Variants in TTLL3 observed in about 807,000 individuals in gnomAD.
TTLL3 encodes the protein tubulin monoglycylase TTLL3.
Under a neutral mutation model 75.2 loss-of-function variants are expected in TTLL3, and 63 were observed. The ratio of observed to expected loss-of-function variants is 0.84; its 90% CI spans 0.68 to 1.03. The LOEUF (loss-of-function observed/expected upper bound fraction) is 1.03, where lower values mean the gene tolerates loss of function less well. TTLL3 is among the 50% of genes least tolerant of loss of function. TTLL3 has a pLI of 0.00. For missense variants in TTLL3, 997 were observed against 1,069.9 expected (o/e 0.93, Z 0.95); for synonymous variants, 393 against 418.5 (o/e 0.94, Z 0.74).
intron 12 of TTLL3, chr3:9,834,279 T>C: frequency 2.3e-6 from 1 of 435,674 alleles, no homozygotes; most frequent in Non-Finnish European, 4.6e-6. Context: ...ACTGCAGTAT[T>C]CTGCCTTTGC....
chr3:9,821,287 C>T (rs1474748964), intron 8 of TTLL3, among the ~76,000 whole-genome samples: 1 of 152,204 alleles, frequency 6.6e-6, no homozygotes, highest in Non-Finnish European at 1.5e-5. Flanking sequence ...GAGCCTGGTG[C>T]TGCTTTAGGG....
Position 9,810,571 on chromosome 3 carries a change from C to G in TTLL3, c.-41-50C>G. 2 of 1,539,404 alleles carry G rather than the reference C, an allele frequency of 1.3e-6. No individual in the cohort carries two copies. Among genetic ancestry groups the G allele is most frequent in the Non-Finnish European group, 1.8e-6 (2 of 1,141,078 alleles). On this transcript the variant is annotated intron_variant, in intron 1 of 13. Coordinates refer to ENST00000685419, the MANE Select transcript of TTLL3 (RefSeq NM_001387446.1). The surrounding 1 kb of genome is among the most constrained non-coding windows in gnomAD (Gnocchi z 4.4). Reference sequence around the variant, plus strand: ...GCCAGAAAAGATCCTAGGCCGAGACCCTAGGCCCAGCCTCAGTGTACCCCG... The same window carrying G: ...GCCAGAAAAGATCCTAGGCCGAGACGCTAGGCCCAGCCTCAGTGTACCCCG...
At chr3:9,812,839 T>C (rs570720777) in intron 2 of TTLL3, 104 bp from the exon 3 acceptor site, 149 of 1,313,916 alleles carry the variant, frequency 1.1e-4, no homozygotes, top group Non-Finnish European at 1.5e-4. Context: ...AATATAAAAA[T>C]TTCCTGATGG....
At chr3:9,827,516 C>T in intron 10 of TTLL3, 2 of 429,622 alleles carry the variant, frequency 4.7e-6, no homozygotes, top group East Asian at 4.8e-5. Flanking sequence ...AATCCTTCCT[C>T]CTCAGCCTCC....
In TTLL3 at chr3:9,836,323, G is replaced by A. The variant is rs773556446; in HGVS notation, c.*834G>A. The A allele has an allele frequency of 2.6e-5, 4 of 151,634 alleles. No individual in the cohort carries two copies. Among genetic ancestry groups the A allele is most frequent in the Non-Finnish European group, 5.9e-5 (4 of 67,954 alleles). The allele number at this position is 151,634 out of a possible 1,614,324, so 9.4% of individuals were successfully genotyped here. A position where few individuals can be genotyped will look rare whatever the true frequency, so the allele number is the denominator to read the frequency against. On this transcript the variant is annotated 3_prime_UTR_variant, in exon 14 of 14. Coordinates refer to ENST00000685419, the MANE Select transcript of TTLL3 (RefSeq NM_001387446.1). ...ATCAAAAAAAAAAAAAAAGGTCTTT[G>A]CAGATGTAAATAAATTTAAGATCTT...
At chr3:9,831,496 G>T (rs2081527147) in intron 11 of TTLL3, among the ~76,000 whole-genome samples, 1 of 152,206 alleles carries the variant, frequency 6.6e-6, no homozygotes, top group African/African-American at 2.4e-5. Context: ...GAGTTTGACT[G>T]TGGGTTACAG....
rs572358995 is a variant in TTLL3, at chr3:9,822,440, A to G, written c.854+1699A>G. 3.9e-5 allele frequency among the ~76,000 whole-genome samples: 6 copies of G among 152,230 alleles called. No individual in the cohort carries two copies. The South Asian group carries it at 1.2e-3, about 32-fold the overall frequency. ...TAAGAACCTCTCTAAAGTCGGGATT[A>G]CATAAAACATTGCATCATATAACAG... On this transcript the variant is annotated intron_variant, in intron 8 of 13. Transcript: ENST00000685419.
rs772480280 is a variant in TTLL3, at chr3:9,820,653, A to G, written c.766A>G (p.Met256Val). The change falls in exon 8 of 14, where the codon ATG (methionine) becomes GTG (valine). Residue 256 changes from methionine (M) to valine (V), a missense_variant. Transcript: ENST00000685419. ...GGAGTACCTTAGCAACTTGGCCCAC[A>G]TGGACATCGACAAGGACCTGGAGGC... is the stretch of plus-strand genomic sequence containing the variant. ...CEEYLSNLAH[M>V]DIDKDLEAPL... 15 of 1,614,032 alleles carry G rather than the reference A, an allele frequency of 9.3e-6. No homozygotes were observed. The African/African-American group carries it at 9.3e-5, about 10-fold the overall frequency.
Position 9,813,333 on chromosome 3 carries a change from A to T in TTLL3, c.303A>T (p.Thr101=). Reference sequence around the variant, plus strand: ...TGAAATTTGATGACCTAGATGGAACACATGCTCTGATGGTGAGGGCCCTGG... The same window carrying T: ...TGAAATTTGATGACCTAGATGGAACTCATGCTCTGATGGTGAGGGCCCTGG... ...DLLKFDDLDG[T]HALMSRMVQN... Residue 101 remains threonine (T), a synonymous_variant, in exon 4 of 14, where the codon ACA becomes ACT. Coordinates refer to ENST00000685419, the MANE Select transcript of TTLL3 (RefSeq NM_001387446.1). The T allele has an allele frequency of 6.2e-7, 1 of 1,614,202 alleles. No individual in the cohort carries two copies. The highest frequency in any genetic ancestry group is 8.5e-7 in the Non-Finnish European group (1 of 1,180,048).
In TTLL3 at chr3:9,816,214, A is replaced by G; in HGVS notation, c.444+12A>G. The G allele has an allele frequency of 7.4e-7, 1 of 1,346,578 alleles. No homozygotes were observed. Among genetic ancestry groups the G allele is most frequent in the South Asian group, 1.2e-5 (1 of 84,072 alleles). 83.4% of individuals were successfully genotyped at this position (1,346,578 alleles called of 1,614,324 possible). A position where few individuals can be genotyped will look rare whatever the true frequency, so the allele number is the denominator to read the frequency against. On this transcript the variant is annotated intron_variant, in intron 5 of 13. Coordinates refer to ENST00000685419, the MANE Select transcript of TTLL3 (RefSeq NM_001387446.1). ...CCTTTACCACAAAGGTGGGCTCCCT[A>G]GAGGAGCAGGCAGGGCAGCTTCCGA...
At position 9,827,190 on chromosome 3, in the gene TTLL3, C is replaced by T. The variant is rs1204784912; in HGVS notation, c.1197C>T (p.Asp399=). ...CACTTACCGTGTGGTTCTACCGCGA[C>T]AGCTATATCCGCTTTTCCACGCAGC... ...WNPLTVWFYR[D]SYIRFSTQPF... is the part of the protein sequence containing the mutation. The change falls in exon 10 of 14, where the codon GAC becomes GAT. Residue 399 remains aspartate (D), a synonymous_variant. Transcript: ENST00000685419. 2 of 1,614,254 alleles carry T rather than the reference C, an allele frequency of 1.2e-6. No individual in the cohort carries two copies. The highest frequency in any genetic ancestry group is 1.3e-5 in the African/African-American group (1 of 75,068).
At chr3:9,814,428 C>G (rs2079632170) in intron 4 of TTLL3, among the ~76,000 whole-genome samples, 1 of 151,510 alleles carries the variant, frequency 6.6e-6, no homozygotes, top group South Asian at 2.1e-4. Context: ...GATGGATCAC[C>G]TGAGGTCAGG....
intron 10 of TTLL3, 36 bp from the exon 11 acceptor site, chr3:9,828,924 A>T: frequency 6.2e-7 from 1 of 1,606,324 alleles, no homozygotes; most frequent in South Asian, 1.1e-5. Flanking sequence ...GAGAGACACA[A>T]GGGCCTGGAC....
chr3:9,831,458 G>GTGAGATGTCTGTGAGATTGTC (rs1461111419), intron 11 of TTLL3, among the ~76,000 whole-genome samples: 1 of 152,206 alleles, frequency 6.6e-6, no homozygotes, highest in Non-Finnish European at 1.5e-5. Flanking sequence ...GGCACATCCT[G>GTGAGATGTCTGTGAGATTGTC]TGAGAGTGTC....
intron 12 of TTLL3, chr3:9,834,112 CAAAAAAAA>C (rs34679102): frequency 3.0e-5 from 4 of 131,236 alleles, no homozygotes; most frequent in Non-Finnish European, 5.7e-5. Flanking sequence ...AACTCTGTCT[CAAAAAAAA>C]AAAAAAAAAA....
intron 10 of TTLL3, chr3:9,828,110 C>T (rs1295829544): frequency 1.4e-5 from 2 of 144,990 alleles, no homozygotes; most frequent in African/African-American, 5.2e-5. Context: ...CCATTGCACT[C>T]CAGCCTGGGT....
chr3:9,810,582 C>T lies in TTLL3; in HGVS notation c.-41-39C>T. 6.5e-7 allele frequency: 1 copy of T among 1,545,116 alleles called. No homozygotes were observed. Among genetic ancestry groups the T allele is most frequent in the Non-Finnish European group, 8.7e-7 (1 of 1,143,912 alleles). ...TCCTAGGCCGAGACCCTAGGCCCAG[C>T]CTCAGTGTACCCCGCCCCTATTCCG... On this transcript the variant is annotated intron_variant, in intron 1 of 13. Coordinates refer to ENST00000685419, the MANE Select transcript of TTLL3 (RefSeq NM_001387446.1). The surrounding 1 kb of genome is among the most constrained non-coding windows in gnomAD (Gnocchi z 4.4).
At chr3:9,811,160 C>T (rs2079318267) in intron 2 of TTLL3, among the ~76,000 whole-genome samples, 1 of 152,226 alleles carries the variant, frequency 6.6e-6, no homozygotes, top group Non-Finnish European at 1.5e-5. Context: ...AGGTCTGTCT[C>T]CTTTGGCTGT....
Position 9,816,137 on chromosome 3 carries a change from T to C in TTLL3, c.379T>C (p.Cys127Arg). The change falls in exon 5 of 14, where the codon TGT becomes CGT. Residue 127 changes from cysteine (C) to arginine (R), a missense_variant. By Grantham distance (180) the Cys-to-Arg change is radical (BLOSUM62 -3). Coordinates refer to ENST00000685419, the MANE Select transcript of TTLL3 (RefSeq NM_001387446.1). ...IWTTRRDVLD[C>R]RFLSKDQMIN... Reference sequence around the variant, plus strand: ...GACCACTCGGCGGGATGTGCTCGACTGTCGCTTCCTCTCCAAGGATCAGAT... The same window carrying C: ...GACCACTCGGCGGGATGTGCTCGACCGTCGCTTCCTCTCCAAGGATCAGAT... 7.4e-7 allele frequency: 1 copy of C among 1,351,526 alleles called. No individual in the cohort carries two copies. The highest frequency in any genetic ancestry group is 9.9e-7 in the Non-Finnish European group (1 of 1,014,582). 83.7% of individuals were successfully genotyped at this position (1,351,526 alleles called of 1,614,324 possible). A position where few individuals can be genotyped will look rare whatever the true frequency, so the allele number is the denominator to read the frequency against.
Sources: allele counts gnomAD v4.1 joint callset (sites outside exome capture counted in the v4.1 genomes callset), GRCh38; gene constraint gnomAD v4.1.1; non-coding constraint Gnocchi (gnomAD v3.1); transcripts MANE v1.5; gene names NCBI Gene and HGNC (gene_info 2026-07-23, HGNC 2026-07-21).